PCDHGB4: variants seen among roughly 807,000 people sequenced by gnomAD.
PCDHGB4 encodes protocadherin gamma subfamily B, 4.
A neutral mutation model predicts 60.5 loss-of-function variants in PCDHGB4; 38 were observed. That is an observed-to-expected ratio of 0.63 (90% CI 0.48 to 0.82). The LOEUF is 0.82. PCDHGB4 is among the 40% of genes least tolerant of loss of function. The pLI, the probability that PCDHGB4 is intolerant of heterozygous loss-of-function variation, is 0.00. For synonymous variants in PCDHGB4, 456 were observed against 509.7 expected (o/e 0.89, Z 1.42); for missense variants, 1,109 against 1,209.6 (o/e 0.92, Z 1.23).
At position 141,485,221 on chromosome 5, in the gene PCDHGB4, C is replaced by A; in HGVS notation, c.2398-9586C>A. 4 of 1,614,118 alleles carry A rather than the reference C, an allele frequency of 2.5e-6. No individual in the cohort carries two copies. The highest frequency in any genetic ancestry group is 2.2e-5 in the East Asian group (1 of 44,868). ...GGACAGAAATCTGGCGGTGGGCTAC[C>A]CTTTTGTTCCTCTTTTACCACCTGG... On this transcript the variant is annotated intron_variant, in intron 1 of 3. Coordinates refer to ENST00000519479, the MANE Select transcript of PCDHGB4 (RefSeq NM_003736.4). The surrounding 1 kb of genome is among the most constrained non-coding windows in gnomAD (Gnocchi z 5.7).
chr5:141,421,188 C>T lies in PCDHGB4; in HGVS notation c.2397+30907C>T, dbSNP rs1364019876. 2.0e-6 allele frequency: 3 copies of T among 1,471,410 alleles called. No individual in the cohort carries two copies. The South Asian group carries it at 4.0e-5, about 20-fold the overall frequency. The allele number at this position is 1,471,410 out of a possible 1,614,324, so 91.1% of individuals were successfully genotyped here. A position where few individuals can be genotyped will look rare whatever the true frequency, so the allele number is the denominator to read the frequency against. The stretch of plus-strand genomic sequence containing the variant: ...GATACATAAGCCGATTCACAACCAA[C>T]CAGCTCGAGAAACCGCGGAATATCG... On this transcript the variant is annotated intron_variant, in intron 1 of 3. Coordinates refer to ENST00000519479, the MANE Select transcript of PCDHGB4 (RefSeq NM_003736.4).
At chr5:141,458,028 G>A (rs1363025110) in intron 1 of PCDHGB4, among the ~76,000 whole-genome samples, 2 of 152,122 alleles carry the variant, frequency 1.3e-5, no homozygotes, top group African/African-American at 4.8e-5. Flanking sequence ...ATTGTGTTCT[G>A]TTGACAAAGA....
chr5:141,410,661 A>G, intron 1 of PCDHGB4: 1 of 1,572,394 alleles, frequency 6.4e-7, no homozygotes, highest in Non-Finnish European at 8.6e-7. Context: ...CTAATAGTCT[A>G]CTAGTTTCTC....
At chr5:141,422,747 C>T (rs1381295469) in intron 1 of PCDHGB4, 2 of 1,611,224 alleles carry the variant, frequency 1.2e-6, no homozygotes, top group Non-Finnish European at 1.7e-6. Context: ...TCCTATGTCT[C>T]TATTAACTCC....
intron 1 of PCDHGB4, chr5:141,408,050 G>A: frequency 1.6e-6 from 2 of 1,259,544 alleles, no homozygotes; most frequent in Middle Eastern, 2.8e-4. Flanking sequence ...CCCACACAGA[G>A]CCTCCCGGCT....
intron 1 of PCDHGB4, among the ~76,000 whole-genome samples, chr5:141,464,630 T>C (rs981288560): frequency 1.3e-5 from 2 of 152,176 alleles, no homozygotes; most frequent in African/African-American, 4.8e-5. Context: ...AGCTTTTTAA[T>C]TGTTGCCAAC....
intron 1 of PCDHGB4, chr5:141,412,461 A>G (rs184499850): frequency 3.4e-4 from 52 of 152,338 alleles, no homozygotes; most frequent in African/African-American, 1.2e-3. Flanking sequence ...ACTATTCTAG[A>G]AGAGTACTTT....
chr5:141,389,671 C>T lies in PCDHGB4; in HGVS notation c.1787C>T (p.Ser596Leu). The T allele has an allele frequency of 6.2e-7, 1 of 1,612,458 alleles. No individual in the cohort carries two copies. Among genetic ancestry groups the T allele is most frequent in the Non-Finnish European group, 8.5e-7 (1 of 1,179,822 alleles). The change falls in exon 1 of 4, where the codon TCA (serine) becomes TTA (leucine). Residue 596 changes from serine (S) to leucine (L), a missense_variant. Coordinates refer to ENST00000519479, the MANE Select transcript of PCDHGB4 (RefSeq NM_003736.4). Reference protein sequence around the residue: ...VTKVVAVDADSGHNAWLSYHV... With the variant: ...VTKVVAVDADLGHNAWLSYHV... ...AAGGTAGTGGCGGTGGACGCAGACTCAGGACACAACGCCTGGCTGTCCTAC... is the reference window on the plus strand; with the variant it reads ...AAGGTAGTGGCGGTGGACGCAGACTTAGGACACAACGCCTGGCTGTCCTAC...
intron 1 of PCDHGB4, chr5:141,398,921 C>A: frequency 6.2e-7 from 1 of 1,613,962 alleles, no homozygotes; most frequent in African/African-American, 1.3e-5. Flanking sequence ...TTGCAAGTGT[C>A]AGCCACTGAC....
chr5:141,509,060 T>G (rs2099874519), intron 3 of PCDHGB4, among the ~76,000 whole-genome samples: 1 of 152,216 alleles, frequency 6.6e-6, no homozygotes, highest in Middle Eastern at 3.4e-3. Flanking sequence ...CAGAAAGCTC[T>G]CAGCTCCGGG....
intron 1 of PCDHGB4, chr5:141,416,406 T>C (rs2096021956): frequency 6.6e-6 from 1 of 152,224 alleles, no homozygotes; most frequent in Non-Finnish European, 1.5e-5. Flanking sequence ...TTGTCTTTTT[T>C]GTTAAATTTT....
intron 1 of PCDHGB4, chr5:141,426,867 G>C (rs1436078091): frequency 2.2e-6 from 1 of 456,590 alleles, no homozygotes; most frequent in African/African-American, 2.0e-5. Flanking sequence ...ATTAGTGCTG[G>C]AGAAGCCCCT....
At chr5:141,394,547 G>T (rs771070854) in intron 1 of PCDHGB4, 6 of 1,614,098 alleles carry the variant, frequency 3.7e-6, no homozygotes, top group East Asian at 2.2e-5. Context: ...TGGAGCTGGC[G>T]CCCCGCTCCG....
chr5:141,423,678 G>A (rs1161093615), intron 1 of PCDHGB4: 3 of 1,496,158 alleles, frequency 2.0e-6, no homozygotes, highest in Non-Finnish European at 2.7e-6. Flanking sequence ...TTATTTCTCT[G>A]CCTCCTAATT....
Position 141,388,565 on chromosome 5 carries a change from G to C in PCDHGB4, c.681G>C (p.Gln227His), listed in dbSNP as rs149167054. ...CTCCACCCCTAAGCAGCACTGCACAGATACACGTTCTAGTGACTGATGCCA... is the reference window on the plus strand; with the variant it reads ...CTCCACCCCTAAGCAGCACTGCACACATACACGTTCTAGTGACTGATGCCA... ...FGAPPLSSTA[Q>H]IHVLVTDAND... The change falls in exon 1 of 4, where the codon CAG (glutamine) becomes CAC (histidine). Residue 227 changes from glutamine to histidine, a missense_variant. Physicochemically the swap from Gln to His is conservative, Grantham distance 24. Around this residue, in one of 2 missense-constraint regions of PCDHGB4, gnomAD observed 1,068 missense variants for 1,089.9 expected, o/e 0.98. Transcript: ENST00000519479. The C allele has an allele frequency of 1.1e-3, 1,717 of 1,613,854 alleles. 24 individuals carry two copies. The highest frequency in any genetic ancestry group is 4.6e-4 in the Non-Finnish European group (537 of 1,179,878).
chr5:141,478,143 A>T (rs759384540), intron 1 of PCDHGB4: 1 of 1,614,014 alleles, frequency 6.2e-7, no homozygotes, highest in Non-Finnish European at 8.5e-7. Flanking sequence ...GCCCGAGCCG[A>T]GTTCCCCTCT....
At chr5:141,395,508 A>G (rs1313015738) in intron 1 of PCDHGB4, 3 of 461,062 alleles carry the variant, frequency 6.5e-6, no homozygotes, top group Non-Finnish European at 1.1e-5. Flanking sequence ...CTTAAGAAGT[A>G]GCTACCCGTC....
At chr5:141,422,375 TCTC>T in intron 1 of PCDHGB4, 1 of 1,570,814 alleles carries the variant, frequency 6.4e-7, no homozygotes, top group Non-Finnish European at 8.6e-7. Context: ...AATGGTCAAG[TCTC>T]CTGTTTTATT....
chr5:141,505,118 C>T (rs544825360), intron 2 of PCDHGB4, among the ~76,000 whole-genome samples: 32 of 152,222 alleles, frequency 2.1e-4, no homozygotes, highest in African/African-American at 7.5e-4. Flanking sequence ...GCCAAGATCG[C>T]GCCACTGCAC....
Sources: allele counts gnomAD v4.1 joint callset (sites outside exome capture counted in the v4.1 genomes callset), GRCh38; gene constraint gnomAD v4.1.1; regional missense constraint gnomAD v4.1.1; non-coding constraint Gnocchi (gnomAD v3.1); transcripts MANE v1.5; gene names NCBI Gene and HGNC (gene_info 2026-07-23, HGNC 2026-07-21).